The following GRM1 variants were observed in gnomAD, a reference collection of about 807,000 sequenced individuals.
GRM1 encodes glutamate metabotropic receptor 1.
A neutral mutation model predicts 90.9 loss-of-function variants in GRM1; 33 were observed. The observed-to-expected ratio is 0.36, with a 90% CI of 0.28 to 0.49. The LOEUF is 0.49. GRM1 is among the 20% of genes least tolerant of loss of function. The pLI, the probability that GRM1 is intolerant of heterozygous loss-of-function variation, is 0.99. For synonymous variants in GRM1, 700 were observed against 613.2 expected, an observed-to-expected ratio of 1.14 and a Z score of -2.09; for missense variants, 1,190 against 1,534.3, an observed-to-expected ratio of 0.78 and a Z score of 3.75.
At position 146,195,070 on chromosome 6, in the gene GRM1, A is replaced by G. The variant is rs542622689; in HGVS notation, c.950+35473A>G. Among the ~76,000 whole-genome samples the G allele has an allele frequency of 2.0e-5, 3 of 152,202 alleles. No individual in the cohort carries two copies. In the East Asian group the frequency reaches 5.8e-4, roughly 29 times the overall value. On this transcript the variant is annotated intron_variant, in intron 2 of 7. Coordinates refer to ENST00000282753, the MANE Select transcript of GRM1 (RefSeq NM_001278064.2). The stretch of plus-strand genomic sequence containing the variant: ...CCCATTACTCTAAATGTTGATATCC[A>G]CTCTATTTCCATTCCAGTGACATGT...
chr6:146,245,663 G>C (rs1005776468), intron 2 of GRM1, among the ~76,000 whole-genome samples: 1 of 152,034 alleles, frequency 6.6e-6, no homozygotes, highest in Non-Finnish European at 1.5e-5. Flanking sequence ...TTTTCTCAGA[G>C]TGCCTACACT....
Position 146,159,498 on chromosome 6 carries a change from C to G in GRM1, c.851C>G (p.Ala284Gly), listed in dbSNP as rs1448466753. 1 of 1,614,144 alleles carries G rather than the reference C, an allele frequency of 6.2e-7. No individual in the cohort carries two copies. The highest frequency in any genetic ancestry group is 1.3e-5 in the African/African-American group (1 of 75,048). Reference protein sequence around the residue: ...LRKLRERLPKARVVVCFCEGM... With the variant: ...LRKLRERLPKGRVVVCFCEGM... The stretch of plus-strand genomic sequence containing the variant: ...AAACTCCGAGAGAGGCTTCCCAAGG[C>G]TAGAGTGGTGGTCTGCTTCTGTGAA... Residue 284 changes from alanine to glycine, a missense_variant, in exon 2 of 8, where the codon GCT (alanine) becomes GGT (glycine). Transcript: ENST00000282753.
intron 2 of GRM1, among the ~76,000 whole-genome samples, chr6:146,201,904 G>A (rs952627071): frequency 2.1e-4 from 32 of 152,166 alleles, no homozygotes; most frequent in African/African-American, 7.0e-4. Context: ...GCTCTCAACC[G>A]CTGTGCAATG....
In GRM1 at chr6:146,159,631, T is replaced by A. The variant is rs747994705; in HGVS notation, c.950+34T>A. On this transcript the variant is annotated intron_variant, in intron 2 of 7. Transcript: ENST00000282753. The stretch of plus-strand genomic sequence containing the variant: ...CTCTCTCTCTCTCTCTCTCTCTCTC[T>A]CTCTCTCTCTCACACACACACATGC... 8.1e-5 allele frequency: 119 copies of A among 1,473,118 alleles called. No individual in the cohort carries two copies. The East Asian group carries it at 1.1e-3, about 14-fold the overall frequency. 91.3% of individuals were successfully genotyped at this position (1,473,118 alleles called of 1,614,324 possible).
At chr6:146,059,587 C>T (rs939176484) in intron 1 of GRM1, among the ~76,000 whole-genome samples, 4 of 152,102 alleles carry the variant, frequency 2.6e-5, no homozygotes, top group Non-Finnish European at 4.4e-5. Context: ...AGAAATCAGC[C>T]TGTCCTTTGA....
chr6:146,029,667 C>T lies in GRM1; in HGVS notation c.150C>T (p.Leu50=). Residue 50 remains leucine (L), a synonymous_variant, in exon 1 of 8, where the codon CTC becomes CTT. Coordinates refer to ENST00000282753, the MANE Select transcript of GRM1 (RefSeq NM_001278064.2). ...ACGGAGATGTCATCATTGGAGCCCT[C>T]TTCTCAGTCCATCACCAGCCTCCGG... ...RMDGDVIIGA[L]FSVHHQPPAE... is the part of the protein sequence containing the mutation. 6.2e-7 allele frequency: 1 copy of T among 1,614,158 alleles called. No homozygotes were observed. The highest frequency in any genetic ancestry group is 8.5e-7 in the Non-Finnish European group (1 of 1,180,040).
intron 2 of GRM1, among the ~76,000 whole-genome samples, chr6:146,166,154 G>A (rs1777895664): frequency 6.6e-6 from 1 of 152,054 alleles, no homozygotes; most frequent in Admixed American, 6.6e-5. Context: ...TAGCACTTGT[G>A]GCAGTTCCTA....
At chr6:146,427,428 G>T (rs1778250357) in intron 7 of GRM1, among the ~76,000 whole-genome samples, 1 of 152,074 alleles carries the variant, frequency 6.6e-6, no homozygotes, top group Non-Finnish European at 1.5e-5. Flanking sequence ...GAGAGTCAAA[G>T]GTACACATTC....
chr6:146,140,407 T>G (rs567218880), intron 1 of GRM1, among the ~76,000 whole-genome samples: 11 of 152,164 alleles, frequency 7.2e-5, no homozygotes, highest in African/African-American at 2.6e-4. Context: ...TAGCTGGAAT[T>G]ACAGGCATGC....
chr6:146,277,532 C>T (rs962744361), intron 2 of GRM1, among the ~76,000 whole-genome samples: 7 of 152,168 alleles, frequency 4.6e-5, no homozygotes, highest in African/African-American at 1.4e-4. Context: ...AAGATTTGAG[C>T]GAGTTCCCCT....
chr6:146,371,540 G>A lies in GRM1; in HGVS notation c.1602+13846G>A, dbSNP rs146778158. ...TTATTATTGACTATAGTCACCCTAC[G>A]GTGCTATCAAATAGTAGGTTTTATC... On this transcript the variant is annotated intron_variant, in intron 5 of 7. Transcript: ENST00000282753. Among the ~76,000 whole-genome samples, 140 of 151,960 alleles carry A rather than the reference G, an allele frequency of 9.2e-4. 1 individual carries two copies. The highest frequency in any genetic ancestry group is 3.1e-3 in the African/African-American group (128 of 41,466).
rs112778072 is a variant in GRM1 at position 146,289,664 on chromosome 6, C to T, written c.951-14947C>T. On this transcript the variant is annotated intron_variant, in intron 2 of 7. Transcript: ENST00000282753. ...AACCTCTAATCCCACAAGCTCCATT[C>T]ATAGTAAGTGTCCTGTACAGGGGTA... Among the ~76,000 whole-genome samples the T allele has an allele frequency of 7.9e-3, 1,199 of 152,278 alleles. 6 individuals carry two copies. The highest frequency in any genetic ancestry group is 0.01 in the Non-Finnish European group (696 of 68,012).
intron 1 of GRM1, among the ~76,000 whole-genome samples, chr6:146,137,152 C>T (rs561509542): frequency 4.6e-5 from 7 of 152,008 alleles, no homozygotes; most frequent in East Asian, 1.9e-4. Flanking sequence ...CATGCCCGGC[C>T]GCAGAAGCTT....
chr6:146,146,093 A>ACCAT (rs1168570705), intron 1 of GRM1, among the ~76,000 whole-genome samples: 1 of 86,116 alleles, frequency 1.2e-5, no homozygotes, highest in Non-Finnish European at 2.6e-5. Context: ...CCTATGTACT[A>ACCAT]CCATTGTATC....
chr6:146,311,601 A>G (rs1783771575), intron 3 of GRM1, among the ~76,000 whole-genome samples: 1 of 152,204 alleles, frequency 6.6e-6, no homozygotes, highest in Non-Finnish European at 1.5e-5. Flanking sequence ...TTTAAATTTA[A>G]ATCAGTGAAA....
chr6:146,032,133 ATAT>A (rs1454339936), intron 1 of GRM1, among the ~76,000 whole-genome samples: 1 of 152,168 alleles, frequency 6.6e-6, no homozygotes, highest in African/African-American at 2.4e-5. Context: ...GAAAGGACTA[ATAT>A]TATAATTTTG....
intron 1 of GRM1, among the ~76,000 whole-genome samples, chr6:146,079,779 C>T (rs1207319221): frequency 5.9e-5 from 9 of 152,114 alleles, no homozygotes; most frequent in Admixed American, 5.9e-4. Flanking sequence ...AAATGAAAAC[C>T]AGACTGATGT....
At chr6:146,324,621 G>A (rs533722637) in intron 3 of GRM1, among the ~76,000 whole-genome samples, 18 of 152,132 alleles carry the variant, frequency 1.2e-4, no homozygotes, top group African/African-American at 3.6e-4. Flanking sequence ...GTACCTGGGC[G>A]GGAGTGCACC....
At chr6:146,176,706 A>G (rs1036387232) in intron 2 of GRM1, among the ~76,000 whole-genome samples, 1 of 152,144 alleles carries the variant, frequency 6.6e-6, no homozygotes, top group Non-Finnish European at 1.5e-5. Flanking sequence ...GTACTATTCT[A>G]TACCAAAATA....
Sources: allele counts gnomAD v4.1 joint callset (sites outside exome capture counted in the v4.1 genomes callset), GRCh38; gene constraint gnomAD v4.1.1; transcripts MANE v1.5; gene names NCBI Gene and HGNC (gene_info 2026-07-23, HGNC 2026-07-21).